Variants in OPCML observed in about 807,000 individuals in gnomAD.
OPCML encodes the protein opioid-binding protein/cell adhesion molecule.
Under a neutral mutation model 37.8 loss-of-function variants are expected in OPCML, and 13 were observed. The ratio of observed to expected loss-of-function variants is 0.34; its 90% CI spans 0.22 to 0.55. The LOEUF (loss-of-function observed/expected upper bound fraction) is 0.55. Among genes scored for constraint, OPCML ranks in the 20% least tolerant of loss-of-function variants. The probability of loss-of-function intolerance (pLI) is 0.91; values close to 1 mark genes in which losing one functional copy is unlikely to be tolerated. For synonymous variants in OPCML, 176 were observed against 168.8 expected (o/e 1.04, Z -0.33); for missense variants, 341 against 435.6 (o/e 0.78, Z 1.93).
chr11:132,862,596 C>A (rs767943901), intron 2 of OPCML, among the ~76,000 whole-genome samples: 1 of 152,092 alleles, frequency 6.6e-6, no homozygotes, highest in Non-Finnish European at 1.5e-5. Context: ...GGGTGCTTTC[C>A]ATTGCTTGTG....
At chr11:133,480,134 C>A (rs900722607) in intron 1 of OPCML, among the ~76,000 whole-genome samples, 1 of 152,188 alleles carries the variant, frequency 6.6e-6, no homozygotes, top group African/African-American at 2.4e-5. Context: ...ACATCCACCC[C>A]TTCCCTTCCC....
rs1424134541 is a variant in OPCML, at chr11:133,436,514, G to A, written c.61+95750C>T. Among the ~76,000 whole-genome samples the A allele has an allele frequency of 3.9e-5, 6 of 152,260 alleles. No individual in the cohort carries two copies. In the East Asian group the frequency reaches 1.2e-3, roughly 29 times the overall value. ...TCACTTAAAATTTTCTCAGGATCTG[G>A]AGGTTCTGGGCTGTTAAGCTCACAA... is the stretch of plus-strand genomic sequence containing the variant. On this transcript the variant is annotated intron_variant, in intron 1 of 7. Coordinates refer to ENST00000524381, the MANE Select transcript of OPCML (RefSeq NM_001012393.5).
At chr11:133,009,397 G>T in intron 1 of OPCML, 1 of 250,916 alleles carries the variant, frequency 4.0e-6, no homozygotes, top group Non-Finnish European at 6.3e-6. Flanking sequence ...TATTTAGGAA[G>T]TCTGGCACTT....
At chr11:133,247,506 T>A (rs1940966960) in intron 1 of OPCML, among the ~76,000 whole-genome samples, 1 of 152,120 alleles carries the variant, frequency 6.6e-6, no homozygotes, top group Non-Finnish European at 1.5e-5. Context: ...AAAGAATAAC[T>A]GAAGTTTTCT....
intron 2 of OPCML, among the ~76,000 whole-genome samples, chr11:132,714,004 A>G (rs1438385555): frequency 6.6e-6 from 1 of 151,774 alleles, no homozygotes; most frequent in African/African-American, 2.4e-5. Flanking sequence ...TAATTATGTT[A>G]TATTCCCAGG....
In OPCML at chr11:133,144,072, T is replaced by C. The variant is rs1565470918; in HGVS notation, c.62-201062A>G. 3.3e-5 allele frequency among the ~76,000 whole-genome samples: 5 copies of C among 152,308 alleles called. No individual in the cohort carries two copies. In the South Asian group the frequency reaches 1.0e-3, roughly 32 times the overall value. On this transcript the variant is annotated intron_variant, in intron 1 of 7. Transcript: ENST00000524381. ...TGCCTCCTTGTGTCTCATCTTCTTC[T>C]CTCCTCTGAGAGAGGACGTTGAAGG...
At chr11:132,678,375 C>T (rs2135842467) in intron 2 of OPCML, among the ~76,000 whole-genome samples, 1 of 152,286 alleles carries the variant, frequency 6.6e-6, no homozygotes, top group Non-Finnish European at 1.5e-5. Context: ...CCTTATAATC[C>T]AACAAATGTC....
At chr11:132,817,766 C>CA (rs1409277811) in intron 2 of OPCML, among the ~76,000 whole-genome samples, 238 of 143,042 alleles carry the variant, frequency 1.7e-3, no homozygotes, top group East Asian at 7.7e-3. Context: ...CCTCCCCCGC[C>CA]AAAAAAAAAA....
At chr11:132,639,977 A>G (rs1486256517) in intron 3 of OPCML, among the ~76,000 whole-genome samples, 2 of 152,298 alleles carry the variant, frequency 1.3e-5, no homozygotes, top group Non-Finnish European at 2.9e-5. Context: ...CATCTCCTAA[A>G]TTGCATGAGG....
chr11:133,440,613 G>A (rs1946342929), intron 1 of OPCML, among the ~76,000 whole-genome samples: 1 of 149,976 alleles, frequency 6.7e-6, no homozygotes, highest in Non-Finnish European at 1.5e-5. Context: ...TGTAATCCCA[G>A]CTAACTGGGA....
intron 4 of OPCML, among the ~76,000 whole-genome samples, chr11:132,484,210 C>A (rs990824055): frequency 2.6e-5 from 4 of 151,542 alleles, no homozygotes; most frequent in Non-Finnish European, 5.9e-5. Flanking sequence ...TGAACTCCAA[C>A]AAATTTACAA....
At chr11:133,499,676 G>T (rs1385554393) in intron 1 of OPCML, among the ~76,000 whole-genome samples, 1 of 151,724 alleles carries the variant, frequency 6.6e-6, no homozygotes, top group Non-Finnish European at 1.5e-5. Flanking sequence ...CCTGGGAGTA[G>T]AAGAGGTTTG....
intron 1 of OPCML, among the ~76,000 whole-genome samples, chr11:133,148,107 A>G (rs564661063): frequency 6.6e-6 from 1 of 152,252 alleles, no homozygotes; most frequent in East Asian, 1.9e-4. Flanking sequence ...GGAGAAAATT[A>G]AGTGGATTTC....
intron 1 of OPCML, among the ~76,000 whole-genome samples, chr11:133,276,496 G>T (rs78439952): frequency 0.036 from 5,544 of 152,214 alleles, 286 homozygotes; most frequent in African/African-American, 0.12. Flanking sequence ...CCCAGATATG[G>T]CGATATGATT....
At chr11:133,254,640 T>C (rs1941252207) in intron 1 of OPCML, among the ~76,000 whole-genome samples, 1 of 152,178 alleles carries the variant, frequency 6.6e-6, no homozygotes, top group African/African-American at 2.4e-5. Flanking sequence ...GCAGATGTCT[T>C]TGTAGACTGC....
intron 1 of OPCML, among the ~76,000 whole-genome samples, chr11:133,256,540 C>T (rs1031918150): frequency 6.6e-6 from 1 of 152,012 alleles, no homozygotes; most frequent in Non-Finnish European, 1.5e-5. Flanking sequence ...TATTTTATAA[C>T]CTTTATTGTG....
intron 1 of OPCML, chr11:133,422,718 T>G: frequency 2.0e-6 from 2 of 981,736 alleles, no homozygotes; most frequent in Non-Finnish European, 2.4e-6. Flanking sequence ...TCTCAAACTT[T>G]CTCATATTTC....
At chr11:132,641,451 T>G (rs1940846366) in intron 3 of OPCML, among the ~76,000 whole-genome samples, 1 of 152,170 alleles carries the variant, frequency 6.6e-6, no homozygotes, top group Non-Finnish European at 1.5e-5. Context: ...AAAGTGAGTT[T>G]CCTTTGAACA....
intron 1 of OPCML, among the ~76,000 whole-genome samples, chr11:133,470,393 C>T (rs1031512307): frequency 3.3e-5 from 5 of 152,194 alleles, no homozygotes; most frequent in African/African-American, 1.2e-4. Context: ...GGGACAATCT[C>T]ATGGTGGAGA....
Sources: gnomAD v4.1 joint callset for allele counts (sites outside exome capture counted in the v4.1 genomes callset) on GRCh38, gnomAD v4.1.1 for gene constraint, MANE v1.5 for transcripts, NCBI Gene and HGNC (gene_info 2026-07-23, HGNC 2026-07-21) for gene names.